The following TACC3 variants were observed in gnomAD, a reference collection of about 807,000 sequenced individuals.
TACC3 encodes the protein transforming acidic coiled-coil containing protein 3, also known as transforming acidic coiled-coil-containing protein 3.
In TACC3, 52 loss-of-function variants were observed where a neutral mutation model predicts 86.0. The observed-to-expected ratio is 0.60, with a 90% confidence interval of 0.48 to 0.76. TACC3 has a LOEUF of 0.76. Ranked by LOEUF, TACC3 falls within the 30% of genes least tolerant of loss-of-function variation. TACC3 has a pLI of 0.00. For missense variants in TACC3, 1,120 were observed against 1,070.4 expected (o/e 1.05, Z -0.65); for synonymous variants, 512 against 430.0 (o/e 1.19, Z -2.36).
At chr4:1,731,416 G>T in intron 6 of TACC3, 115 bp downstream of exon 6, 1 of 1,287,510 alleles carries the variant, frequency 7.8e-7, no homozygotes, top group Non-Finnish European at 1.1e-6. Context: ...AGGCAGTTGG[G>T]TCCCTTGACT....
chr4:1,724,177 G>A (rs1322307160), intron 3 of TACC3, among the ~76,000 whole-genome samples: 1 of 151,564 alleles, frequency 6.6e-6, no homozygotes, highest in Non-Finnish European at 1.5e-5. Flanking sequence ...CACCGTGTTA[G>A]CCAGGATGGT....
At chr4:1,725,885 C>T (rs542916045) in intron 3 of TACC3, among the ~76,000 whole-genome samples, 81 of 152,372 alleles carry the variant, frequency 5.3e-4, no homozygotes, top group African/African-American at 1.7e-3. Context: ...AAGGCAGTGC[C>T]GCCCCAAGGT....
At chr4:1,743,034 C>T (rs1221402765) in intron 13 of TACC3, among the ~76,000 whole-genome samples, 16 of 151,850 alleles carry the variant, frequency 1.1e-4, no homozygotes, top group Admixed American at 3.9e-4. Flanking sequence ...GAGGCCAAGG[C>T]GGGAGGATCA....
rs746543897 is a variant in TACC3 at position 1,723,878 on chromosome 4, T to TAAG, written c.305+8_305+9insAAG. 6.2e-7 allele frequency: 1 copy of TAAG among 1,612,806 alleles called. No individual in the cohort carries two copies. Among genetic ancestry groups the TAAG allele is most frequent in the South Asian group, 1.1e-5 (1 of 91,068 alleles). On this transcript the variant is annotated intron_variant, in intron 3 of 15. Coordinates refer to ENST00000313288, the MANE Select transcript of TACC3 (RefSeq NM_006342.3). ...CTGGACACAGAAAGAGAAGTAAGTG[T>TAAG]TGGTGCTGCTGGACATGCTGGAGCT...
At chr4:1,738,047 G>A (rs956998641) in intron 10 of TACC3, 13 of 381,022 alleles carry the variant, frequency 3.4e-5, no homozygotes, top group Middle Eastern at 8.4e-4. Flanking sequence ...GCCCTCCCAC[G>A]AGTCCAGACG....
At chr4:1,731,391 A>G (rs1473397429) in intron 6 of TACC3, 90 bp downstream of exon 6, 2 of 1,499,754 alleles carry the variant, frequency 1.3e-6, no homozygotes, top group Non-Finnish European at 1.8e-6. Flanking sequence ...CATCATCGGC[A>G]GGTGGTCATT....
chr4:1,729,176 T>C (rs1717877668), intron 4 of TACC3, among the ~76,000 whole-genome samples: 1 of 152,134 alleles, frequency 6.6e-6, no homozygotes, highest in African/African-American at 2.4e-5. Context: ...CGCTGCTTGC[T>C]GGGGTCTTGG....
At chr4:1,727,641 T>C (rs1717754494) in intron 3 of TACC3, 67 bp from the exon 4 acceptor site, 1 of 1,521,296 alleles carries the variant, frequency 6.6e-7, no homozygotes, top group African/African-American at 1.4e-5. Flanking sequence ...ATGTTGAGAA[T>C]GAATGCTGAG....
Position 1,728,723 on chromosome 4 carries a change from C to T in TACC3, c.1321C>T (p.Gln441Ter). 1 of 1,613,254 alleles carries T rather than the reference C, an allele frequency of 6.2e-7. No individual in the cohort carries two copies. The highest frequency in any genetic ancestry group is 8.5e-7 in the Non-Finnish European group (1 of 1,179,968). ...PPESPETRLGQPAAEQLHAGP... is the reference protein window; with the variant it reads ...PPESPETRLG ...AGAAAGCCCTGAGACCAGGCTGGGCCAGCCAGCGGCTGAACAGTTGCATGC... is the reference window on the plus strand; with the variant it reads ...AGAAAGCCCTGAGACCAGGCTGGGCTAGCCAGCGGCTGAACAGTTGCATGC... Residue 441 changes from glutamine to a stop codon, truncating the protein, a stop_gained, in exon 4 of 16, where the codon CAG becomes TAG. Coordinates refer to ENST00000313288, the MANE Select transcript of TACC3 (RefSeq NM_006342.3). LOFTEE classifies it high-confidence loss of function.
intron 5 of TACC3, 90 bp downstream of exon 5, chr4:1,731,052 C>T (rs766424827): frequency 3.3e-5 from 52 of 1,587,946 alleles, no homozygotes; most frequent in South Asian, 5.5e-5. Flanking sequence ...CCTTGGGTGA[C>T]GGGGTGGGAT....
At chr4:1,733,574 G>A (rs1381925269) in intron 6 of TACC3, among the ~76,000 whole-genome samples, 1 of 152,054 alleles carries the variant, frequency 6.6e-6, no homozygotes, top group African/African-American at 2.4e-5. Flanking sequence ...TGGGAGGCTC[G>A]CTTGAGCCAG....
At chr4:1,733,895 T>C (rs1718124302) in intron 6 of TACC3, among the ~76,000 whole-genome samples, 1 of 151,414 alleles carries the variant, frequency 6.6e-6, no homozygotes, top group Non-Finnish European at 1.5e-5. Context: ...GGAGAATCGC[T>C]TGAACCCAGG....
chr4:1,740,972 G>A lies in TACC3; in HGVS notation c.2209G>A (p.Glu737Lys), dbSNP rs754272431. 60 of 1,607,468 alleles carry A rather than the reference G, an allele frequency of 3.7e-5. No individual in the cohort carries two copies. In the South Asian group the frequency reaches 4.0e-4, roughly 11 times the overall value. ...TTTTGAGAAACAGAAAGAGGTGATC[G>A]AGGGCTACCGCAAGGTATGTCTCCG... The part of the protein sequence containing the change: ...KRFEKQKEVI[E>K]GYRKNEESLK... The change falls in exon 13 of 16, where the codon GAG becomes AAG. Residue 737 changes from glutamate (E) to lysine (K), a missense_variant. By Grantham distance (56) the Glu-to-Lys change is moderately conservative. Coordinates refer to ENST00000313288, the MANE Select transcript of TACC3 (RefSeq NM_006342.3).
At chr4:1,737,157 C>G in intron 8 of TACC3, 84 bp from the exon 9 acceptor site, 1 of 1,161,690 alleles carries the variant, frequency 8.6e-7, no homozygotes, top group Non-Finnish European at 1.3e-6. Context: ...GCAAAGAGCC[C>G]GGTTAGCTTG....
At position 1,744,605 on chromosome 4, in the gene TACC3, G is replaced by C. The variant is rs138731272; in HGVS notation, c.2311G>C (p.Ala771Pro). ...GQRYQALKAH[A>P]EEKLQLANEE... is the part of the protein sequence containing the mutation. ...GAGGTACCAAGCCCTGAAGGCCCAC[G>C]CGGAGGAGAAGCTGCAGCTGTGAGT... The change falls in exon 14 of 16, where the codon GCG becomes CCG. Residue 771 changes from alanine (A) to proline (P), a missense_variant. Transcript: ENST00000313288. 1.2e-6 allele frequency: 2 copies of C among 1,613,144 alleles called. No homozygotes were observed. The highest frequency in any genetic ancestry group is 1.1e-5 in the South Asian group (1 of 91,084).
chr4:1,735,128 A>G lies in TACC3; in HGVS notation c.1592-145A>G. On this transcript the variant is annotated intron_variant, in intron 6 of 15. Coordinates refer to ENST00000313288, the MANE Select transcript of TACC3 (RefSeq NM_006342.3). The surrounding 1 kb of genome is among the most constrained non-coding windows in gnomAD (Gnocchi z 4.2). ...GAGGCGCCTGCCGCAGACAGCAGTC[A>G]GGCCCCGAACATCCACACCTCCAAG... 4 of 1,133,810 alleles carry G rather than the reference A, an allele frequency of 3.5e-6. No individual in the cohort carries two copies. Among genetic ancestry groups the G allele is most frequent in the Non-Finnish European group, 5.1e-6 (4 of 787,978 alleles). The allele number at this position is 1,133,810 out of a possible 1,614,324, so 70.2% of individuals were successfully genotyped here.
chr4:1,735,138 C>T lies in TACC3; in HGVS notation c.1592-135C>T. The T allele has an allele frequency of 1.6e-6, 2 of 1,256,766 alleles. No individual in the cohort carries two copies. The highest frequency in any genetic ancestry group is 2.7e-5 in the South Asian group (2 of 73,942). The allele number at this position is 1,256,766 out of a possible 1,614,324, so 77.9% of individuals were successfully genotyped here. ...CCGCAGACAGCAGTCAGGCCCCGAA[C>T]ATCCACACCTCCAAGGGAGGAAATA... On this transcript the variant is annotated intron_variant, in intron 6 of 15. Coordinates refer to ENST00000313288, the MANE Select transcript of TACC3 (RefSeq NM_006342.3). The surrounding 1 kb of genome is among the most constrained non-coding windows in gnomAD (Gnocchi z 4.2).
chr4:1,726,588 C>T (rs1285066452), intron 3 of TACC3, among the ~76,000 whole-genome samples: 1 of 152,166 alleles, frequency 6.6e-6, no homozygotes, highest in Non-Finnish European at 1.5e-5. Context: ...CTGTCAGGTC[C>T]CTTAATGTTA....
Position 1,735,756 on chromosome 4 carries a change from A to G in TACC3, c.1670A>G (p.Gln557Arg), listed in dbSNP as rs1304125501. ...TTTAAGGAGTCGGCCTTGAGGAAGC[A>G]GTCCTTATACCTCAAGTTCGACCCC... ...SSFKESALRK[Q>R]SLYLKFDPLL... Residue 557 changes from glutamine to arginine, a missense_variant, in exon 8 of 16, where the codon CAG becomes CGG. Physicochemically the swap from Gln to Arg is conservative, Grantham distance 43 (BLOSUM62 1). Coordinates refer to ENST00000313288, the MANE Select transcript of TACC3 (RefSeq NM_006342.3). This position sits in a 1 kb window ranked among gnomAD's most constrained non-coding sequence, Gnocchi z 4.2. 6.2e-7 allele frequency: 1 copy of G among 1,613,198 alleles called. No homozygotes were observed. The highest frequency in any genetic ancestry group is 1.7e-5 in the Admixed American group (1 of 59,990).
Sources: gnomAD v4.1 joint callset for allele counts (sites outside exome capture counted in the v4.1 genomes callset) on GRCh38, gnomAD v4.1.1 for gene constraint, Gnocchi (gnomAD v3.1) non-coding constraint, MANE v1.5 for transcripts, NCBI Gene and HGNC (gene_info 2026-07-23, HGNC 2026-07-21) for gene names.